COL4A1: variants seen among roughly 807,000 people sequenced by gnomAD.
The protein encoded by COL4A1 is collagen alpha-1(IV) chain.
A neutral mutation model predicts 216.6 loss-of-function variants in COL4A1; 40 were observed. The observed-to-expected ratio is 0.18, with a 90% CI of 0.14 to 0.24. COL4A1 has a LOEUF of 0.24. Ranked by LOEUF, COL4A1 falls within the 10% of genes least tolerant of loss-of-function variation. The pLI, the probability that COL4A1 is intolerant of heterozygous loss-of-function variation, is 1.00. For missense variants in COL4A1, 1,628 were observed against 2,196.8 expected (o/e 0.74, Z 5.18); for synonymous variants, 839 against 810.7 (o/e 1.03, Z -0.59).
chr13:110,197,270 A>G (rs1878946217), intron 21 of COL4A1, among the ~76,000 whole-genome samples: 2 of 138,418 alleles, frequency 1.4e-5, no homozygotes, highest in African/African-American at 5.4e-5. Context: ...TGGACTTATC[A>G]TCTCCTGCAT....
At chr13:110,287,978 T>C (rs950651668) in intron 1 of COL4A1, among the ~76,000 whole-genome samples, 1 of 151,902 alleles carries the variant, frequency 6.6e-6, no homozygotes, top group African/African-American at 2.4e-5. Context: ...CTGAGTGGTC[T>C]GGGCGCGGTG....
intron 1 of COL4A1, among the ~76,000 whole-genome samples, chr13:110,274,296 G>A (rs907100998): frequency 6.6e-6 from 1 of 152,188 alleles, no homozygotes; most frequent in Non-Finnish European, 1.5e-5. Context: ...TTCAAGGCAG[G>A]TTGGAAAGCA....
At chr13:110,172,659 G>C in intron 41 of COL4A1, 61 bp downstream of exon 41, 9 of 1,505,644 alleles carry the variant, frequency 6.0e-6, no homozygotes, top group Non-Finnish European at 8.3e-6. Context: ...ACTGCCCCTT[G>C]TTCTGCTAAT....
intron 2 of COL4A1, among the ~76,000 whole-genome samples, chr13:110,215,043 C>A (rs1165998077): frequency 6.6e-6 from 1 of 152,188 alleles, no homozygotes; most frequent in African/African-American, 2.4e-5. Context: ...GTGTTTTTCA[C>A]TGAACTGGTT....
intron 25 of COL4A1, 140 bp downstream of exon 25, chr13:110,186,998 A>C: frequency 8.7e-7 from 1 of 1,153,510 alleles, no homozygotes; most frequent in South Asian, 1.3e-5. Flanking sequence ...TGTTCCATGA[A>C]CCATGAATCA....
chr13:110,242,836 A>C, intron 1 of COL4A1, 102 bp from the exon 2 acceptor site: 1 of 1,271,460 alleles, frequency 7.9e-7, no homozygotes, highest in Non-Finnish European at 1.1e-6. Flanking sequence ...TTATGAGCGA[A>C]GCCTGCCCTG....
At chr13:110,263,356 A>G (rs550078969) in intron 1 of COL4A1, among the ~76,000 whole-genome samples, 76 of 152,376 alleles carry the variant, frequency 5.0e-4, no homozygotes, top group African/African-American at 1.7e-3. Context: ...CATGTCAAGC[A>G]CAAAACAGAT....
chr13:110,168,217 G>A (rs111568363), intron 43 of COL4A1, among the ~76,000 whole-genome samples: 2,296 of 152,246 alleles, frequency 0.015, 59 homozygotes, highest in African/African-American at 0.052. Flanking sequence ...GTTTTGCCAT[G>A]TTGGCCAGGC....
At chr13:110,287,749 C>T (rs1183739072) in intron 1 of COL4A1, among the ~76,000 whole-genome samples, 2 of 152,216 alleles carry the variant, frequency 1.3e-5, no homozygotes, top group Non-Finnish European at 2.9e-5. Context: ...AAGGAGGAAG[C>T]ACATGAGAGC....
intron 26 of COL4A1, among the ~76,000 whole-genome samples, chr13:110,183,927 C>T (rs1878292357): frequency 6.6e-6 from 1 of 152,164 alleles, no homozygotes; most frequent in African/African-American, 2.4e-5. Flanking sequence ...GCTTCCCCTC[C>T]AAGAATGCAC....
chr13:110,273,462 C>T (rs9559759), intron 1 of COL4A1, among the ~76,000 whole-genome samples: 18,048 of 152,096 alleles, frequency 0.12, 1,195 homozygotes, highest in East Asian at 0.24. Flanking sequence ...CCAGCAGTGT[C>T]GTCTCTATAT....
At chr13:110,219,654 A>G (rs1403110803) in intron 2 of COL4A1, among the ~76,000 whole-genome samples, 1 of 103,942 alleles carries the variant, frequency 9.6e-6, no homozygotes, top group Non-Finnish European at 1.9e-5. Context: ...GAAAATATAT[A>G]TATATATGTA....
At chr13:110,229,977 G>T (rs1323171929) in intron 2 of COL4A1, among the ~76,000 whole-genome samples, 1 of 152,138 alleles carries the variant, frequency 6.6e-6, no homozygotes, top group Non-Finnish European at 1.5e-5. Flanking sequence ...TCCCAGCTTG[G>T]CCCACCAGCT....
chr13:110,283,534 C>T (rs552089904), intron 1 of COL4A1, among the ~76,000 whole-genome samples: 12 of 152,360 alleles, frequency 7.9e-5, no homozygotes, highest in Admixed American at 2.6e-4. Context: ...ACATGTGCAC[C>T]TGCACACACC....
At chr13:110,292,800 T>C (rs75179410) in intron 1 of COL4A1, among the ~76,000 whole-genome samples, 251 of 152,250 alleles carry the variant, frequency 1.6e-3, no homozygotes, top group African/African-American at 5.8e-3. Context: ...GGATGATGAC[T>C]GGCAGGTAGG....
chr13:110,234,375 A>C (rs1881202697), intron 2 of COL4A1, among the ~76,000 whole-genome samples: 1 of 152,094 alleles, frequency 6.6e-6, no homozygotes, highest in Non-Finnish European at 1.5e-5. Context: ...TGAGGTCAGG[A>C]GTTCCAGACC....
chr13:110,172,369 C>T (rs1331029445), intron 41 of COL4A1, among the ~76,000 whole-genome samples: 1 of 152,222 alleles, frequency 6.6e-6, no homozygotes, highest in East Asian at 1.9e-4. Context: ...ACATACTGTC[C>T]TGCATTCACA....
At chr13:110,303,604 G>A (rs1192595972) in intron 1 of COL4A1, among the ~76,000 whole-genome samples, 1 of 152,226 alleles carries the variant, frequency 6.6e-6, no homozygotes, top group African/African-American at 2.4e-5. Context: ...ACATGCTGGT[G>A]TATAGTTCCT....
At chr13:110,163,980 CTCTCTTTTTT>C (rs1426734031) in intron 46 of COL4A1, among the ~76,000 whole-genome samples, 1 of 108,760 alleles carries the variant, frequency 9.2e-6, no homozygotes. Context: ...TTCTTTCTCT[CTCTCTTTTTT>C]TTTTTTTTTT....
Sources: allele counts gnomAD v4.1 joint callset (sites outside exome capture counted in the v4.1 genomes callset), GRCh38; gene constraint gnomAD v4.1.1; transcripts MANE v1.5; gene names NCBI Gene and HGNC (gene_info 2026-07-23, HGNC 2026-07-21).